WDR18: variants seen among roughly 807,000 people sequenced by gnomAD.
WDR18 encodes WD repeat-containing protein 18.
WDR18 carries 33 observed loss-of-function variants against 49.6 expected under a neutral mutation model. The observed-to-expected ratio is 0.67, with a 90% CI of 0.50 to 0.89. The LOEUF is 0.89. Ranked by LOEUF, WDR18 falls within the 40% of genes least tolerant of loss-of-function variation. The probability of loss-of-function intolerance (pLI) is 0.00; values close to 1 mark genes in which losing one functional copy is unlikely to be tolerated. For synonymous variants in WDR18, 315 were observed against 263.6 expected, an observed-to-expected ratio of 1.19 and a Z score of -1.89; for missense variants, 653 against 593.6, an observed-to-expected ratio of 1.10 and a Z score of -1.04.
intron 2 of WDR18, among the ~76,000 whole-genome samples, chr19:989,080 G>A (rs1438110675): frequency 8.3e-4 from 9 of 10,784 alleles, no homozygotes; most frequent in African/African-American, 3.6e-3. Context: ...CTCAGCCCTC[G>A]AACCCACAAC....
chr19:987,856 A>G lies in WDR18; in HGVS notation c.321+1881A>G, dbSNP rs571637112. On this transcript the variant is annotated intron_variant, in intron 2 of 9. Transcript: ENST00000585809. ...TTTTTTTTTTTTTTTTTTTTTTCAG[A>G]TGAAGTCTCGCTCTGTTGCCCGGGC... is the stretch of plus-strand genomic sequence containing the variant. Among the ~76,000 whole-genome samples, 85 of 59,730 alleles carry G rather than the reference A, an allele frequency of 1.4e-3. 1 individual carries two copies. Among genetic ancestry groups the G allele is most frequent in the African/African-American group, 8.1e-3 (68 of 8,346 alleles). The allele number at this position is 59,730 out of a possible 152,430, so 39.2% of individuals were successfully genotyped here. A position where few individuals can be genotyped will look rare whatever the true frequency, so the allele number is the denominator to read the frequency against.
upstream of WDR18, chr19:984,296 G>T: frequency 2.7e-6 from 4 of 1,483,584 alleles, no homozygotes; most frequent in Non-Finnish European, 1.8e-6. Flanking sequence ...GCCCGCGTGG[G>T]GCAGTCGTCC....
At position 991,211 on chromosome 19, in the gene WDR18, CT is replaced by C. The variant is rs2038541957; in HGVS notation, c.807-15del. On this transcript the variant is annotated splice_polypyrimidine_tract_variant and intron_variant, in intron 6 of 9. Coordinates refer to ENST00000585809, the MANE Select transcript of WDR18 (RefSeq NM_024100.4). ...CTGTCTGGCACGTCCCAGGTGACCC[CT>C]GTCTGTCTGTCCAGGAACCAGGTGA... The C allele has an allele frequency of 1.9e-6, 3 of 1,560,866 alleles. No individual in the cohort carries two copies. The highest frequency in any genetic ancestry group is 1.8e-5 in the Admixed American group (1 of 54,302).
In WDR18 at chr19:989,764, C is replaced by A; in HGVS notation, c.324C>A (p.Val108=). The A allele has an allele frequency of 6.2e-7, 1 of 1,612,698 alleles. No homozygotes were observed. Among genetic ancestry groups the A allele is most frequent in the Non-Finnish European group, 8.5e-7 (1 of 1,179,894 alleles). ...GVAESIHLWE[V]STGNLLVILS... The stretch of plus-strand genomic sequence containing the variant: ...TGGATACCCTCTGCCCCTCACAGGT[C>A]TCCACCGGGAACCTTCTGGTCATCC... The change falls in exon 3 of 10, where the codon GTC becomes GTA. Residue 108 remains valine, a splice_region_variant and synonymous_variant. Coordinates refer to ENST00000585809, the MANE Select transcript of WDR18 (RefSeq NM_024100.4).
intron 2 of WDR18, among the ~76,000 whole-genome samples, chr19:986,215 C>T (rs1472393494): frequency 6.6e-6 from 1 of 152,232 alleles, no homozygotes. Context: ...CAGCCCAGTC[C>T]CCGGCACTCA....
upstream of WDR18, chr19:984,246 C>A (rs2038448622): frequency 1.7e-6 from 2 of 1,186,324 alleles, no homozygotes; most frequent in Non-Finnish European, 2.2e-6. Flanking sequence ...GGCGCATGCG[C>A]GGGTCGGCCA....
At chr19:992,958 T>G (rs2038579147) in intron 8 of WDR18, among the ~76,000 whole-genome samples, 2 of 152,268 alleles carry the variant, frequency 1.3e-5, no homozygotes, top group Admixed American at 1.3e-4. Flanking sequence ...GACAGCCTGA[T>G]GGCCTGACAG....
At position 986,945 on chromosome 19, in the gene WDR18, G is replaced by A. The variant is rs372831489; in HGVS notation, c.321+970G>A. Among the ~76,000 whole-genome samples the A allele has an allele frequency of 3.9e-5, 6 of 152,336 alleles. No homozygotes were observed. In the South Asian group the frequency reaches 1.0e-3, roughly 26 times the overall value. ...AGATCTGGGGCCAGAAGACCCAAAGGTAACCATGTTTCTGCCCTTCCTGAC... is the reference window on the plus strand; with the variant it reads ...AGATCTGGGGCCAGAAGACCCAAAGATAACCATGTTTCTGCCCTTCCTGAC... On this transcript the variant is annotated intron_variant, in intron 2 of 9. Transcript: ENST00000585809.
At chr19:993,628 G>T (rs947180170) in intron 8 of WDR18, among the ~76,000 whole-genome samples, 2 of 152,240 alleles carry the variant, frequency 1.3e-5, no homozygotes, top group Non-Finnish European at 2.9e-5. Flanking sequence ...GGCCGGCCAG[G>T]CTCTCCCCAT....
chr19:991,065 G>C lies in WDR18; in HGVS notation c.742-16G>C, dbSNP rs2038538820. 6.2e-7 allele frequency: 1 copy of C among 1,603,806 alleles called. No homozygotes were observed. The highest frequency in any genetic ancestry group is 1.3e-5 in the African/African-American group (1 of 74,824). ...GGCATCGGGCCTGCGGCTCACACAC[G>C]TCTCGGCCTTCGCAGCCCGGACAGA... On this transcript the variant is annotated splice_polypyrimidine_tract_variant and intron_variant, in intron 5 of 9. Transcript: ENST00000585809.
At chr19:987,983 C>A (rs1280818727) in intron 2 of WDR18, among the ~76,000 whole-genome samples, 1 of 151,858 alleles carries the variant, frequency 6.6e-6, no homozygotes, top group Non-Finnish European at 1.5e-5. Flanking sequence ...GCGCCCGCCA[C>A]CATGCCTGGC....
chr19:991,442 G>GC (rs1439962110), intron 7 of WDR18, 91 bp downstream of exon 7: 6 of 275,026 alleles, frequency 2.2e-5, no homozygotes, highest in East Asian at 4.2e-4. Context: ...GCGGGGACTG[G>GC]TTTGCTGTGG....
At chr19:984,651 A>C in intron 1 of WDR18, 88 bp downstream of exon 1, 6 of 1,289,372 alleles carry the variant, frequency 4.7e-6, no homozygotes. Context: ...GTGCACCCTT[A>C]GTCGGAATTG....
chr19:988,934 A>G (rs80265802), intron 2 of WDR18, among the ~76,000 whole-genome samples: 3,326 of 152,274 alleles, frequency 0.022, 55 homozygotes, highest in Non-Finnish European at 0.031. Flanking sequence ...CACAGGTCCC[A>G]GGTCGGGACT....
In WDR18 at chr19:991,127, A is replaced by G. The variant is rs1218364474; in HGVS notation, c.788A>G (p.Lys263Arg). 6.3e-7 allele frequency: 1 copy of G among 1,578,602 alleles called. No individual in the cohort carries two copies. Among genetic ancestry groups the G allele is most frequent in the Non-Finnish European group, 8.6e-7 (1 of 1,162,068 alleles). ...TTCCACCCAGAGCAGGACGCCGGGAAGGTCTTCAAAGGGCACAGGTGGGGA... is the reference window on the plus strand; with the variant it reads ...TTCCACCCAGAGCAGGACGCCGGGAGGGTCTTCAAAGGGCACAGGTGGGGA... The part of the protein sequence containing the change: ...RSFHPEQDAG[K>R]VFKGHRNQVT... Residue 263 changes from lysine to arginine, a missense_variant, in exon 6 of 10, where the codon AAG becomes AGG. Lys to Arg is a conservative substitution (Grantham distance 26). Coordinates refer to ENST00000585809, the MANE Select transcript of WDR18 (RefSeq NM_024100.4).
chr19:984,252 G>A, upstream of WDR18: 2 of 1,224,634 alleles, frequency 1.6e-6, no homozygotes, highest in Non-Finnish European at 2.1e-6. Context: ...TGCGCGGGTC[G>A]GCCACCCGCT....
chr19:990,094 G>C, intron 3 of WDR18, 129 bp from the exon 4 acceptor site: 1 of 1,393,238 alleles, frequency 7.2e-7, no homozygotes, highest in Admixed American at 2.7e-5. Context: ...CCAGCCTTGA[G>C]TTTACTCAGG....
intron 2 of WDR18, among the ~76,000 whole-genome samples, chr19:988,796 A>T (rs539487655): frequency 3.3e-5 from 5 of 152,032 alleles, no homozygotes; most frequent in Non-Finnish European, 7.4e-5. Context: ...TGCCGCGTGG[A>T]GCCCCTGTGT....
In WDR18 at chr19:985,945, A is replaced by G; in HGVS notation, c.291A>G (p.Ala97=). Residue 97 remains alanine, a synonymous_variant, in exon 2 of 10, where the codon GCA becomes GCG. Transcript: ENST00000585809. ...TASPNGLYVL[A]GVAESIHLWE... ...CACCCAATGGTCTCTACGTCCTGGC[A>G]GGAGTTGCAGAAAGCATCCACCTGT... The G allele has an allele frequency of 6.2e-7, 1 of 1,613,784 alleles. No individual in the cohort carries two copies. Among genetic ancestry groups the G allele is most frequent in the Non-Finnish European group, 8.5e-7 (1 of 1,179,962 alleles).
Sources: gnomAD v4.1 joint callset for allele counts (sites outside exome capture counted in the v4.1 genomes callset) on GRCh38, gnomAD v4.1.1 for gene constraint, MANE v1.5 for transcripts, NCBI Gene and HGNC (gene_info 2026-07-23, HGNC 2026-07-21) for gene names.